Variants in TRIM15 observed in about 807,000 individuals in gnomAD.
TRIM15 encodes E3 ubiquitin-protein ligase TRIM15.
TRIM15 carries 35 observed loss-of-function variants against 35.8 expected under a neutral mutation model. That is an observed-to-expected ratio of 0.98 (90% CI 0.75 to 1.30). The LOEUF (loss-of-function observed/expected upper bound fraction) is 1.30, where lower values mean the gene tolerates loss of function less well. TRIM15 is among the 50% of genes most tolerant of loss of function. The pLI, the probability that TRIM15 is intolerant of heterozygous loss-of-function variation, is 0.00. For missense variants in TRIM15, 590 were observed against 593.5 expected (o/e 0.99, Z 0.06); for synonymous variants, 252 against 249.8 (o/e 1.01, Z -0.08).
At chr6:30,164,876 T>G (rs1379615294) in intron 1 of TRIM15, among the ~76,000 whole-genome samples, 2 of 152,178 alleles carry the variant, frequency 1.3e-5, no homozygotes, top group Non-Finnish European at 2.9e-5. Context: ...CAAGGCCCTT[T>G]GCAGTCGGGA....
intron 3 of TRIM15, 79 bp downstream of exon 3, chr6:30,168,609 A>G (rs575645728): frequency 4.4e-6 from 6 of 1,364,360 alleles, no homozygotes; most frequent in South Asian, 1.2e-5. Flanking sequence ...TTTGGGCTGG[A>G]GAGAGGCAGG....
intron 1 of TRIM15, 148 bp from the exon 2 acceptor site, chr6:30,167,028 A>C: frequency 1.6e-6 from 1 of 624,620 alleles, no homozygotes; most frequent in Non-Finnish European, 2.8e-6. Flanking sequence ...CTTCTTCCTG[A>C]GATGGTGGTC....
In TRIM15 at chr6:30,163,668, C is replaced by G; in HGVS notation, c.-17C>G. 1.3e-6 allele frequency: 2 copies of G among 1,588,092 alleles called. No individual in the cohort carries two copies. The highest frequency in any genetic ancestry group is 1.2e-5 in the South Asian group (1 of 86,694). ...GGCTGAGGAGACCGGAGTGGACGGG[C>G]TGGGGAAGGCACCGTGATGCCCGCA... is the stretch of plus-strand genomic sequence containing the variant. On this transcript the variant is annotated 5_prime_UTR_variant, in exon 1 of 7. Coordinates refer to ENST00000376694, the MANE Select transcript of TRIM15 (RefSeq NM_033229.3).
intron 1 of TRIM15, among the ~76,000 whole-genome samples, chr6:30,165,783 A>C (rs1478934156): frequency 1.3e-5 from 2 of 152,172 alleles, no homozygotes; most frequent in Non-Finnish European, 2.9e-5. Context: ...TGACTTTTTA[A>C]TGATCACCAT....
Position 30,172,294 on chromosome 6 carries a change from T to C in TRIM15, c.1343T>C (p.Val448Ala). ...FTFTASFSGKVFPFFAVWKKG... is the reference protein window; with the variant it reads ...FTFTASFSGKAFPFFAVWKKG... ...TTCACTGCCTCTTTCTCCGGCAAAG[T>C]CTTCCCTTTCTTTGCCGTCTGGAAA... Residue 448 changes from valine to alanine, a missense_variant, in exon 7 of 7, where the codon GTC (valine) becomes GCC (alanine). By Grantham distance (64) the Val-to-Ala change is moderately conservative (BLOSUM62 0). Transcript: ENST00000376694. 1.2e-6 allele frequency: 2 copies of C among 1,612,816 alleles called. No individual in the cohort carries two copies. The highest frequency in any genetic ancestry group is 2.2e-5 in the South Asian group (2 of 91,086).
chr6:30,167,760 T>C (rs1773712539), intron 2 of TRIM15, among the ~76,000 whole-genome samples: 1 of 152,186 alleles, frequency 6.6e-6, no homozygotes, highest in Admixed American at 6.5e-5. Flanking sequence ...TCTCTTTTCA[T>C]GCTATAAAGT....
In TRIM15 at chr6:30,172,062, G is replaced by A. The variant is rs774938366; in HGVS notation, c.1111G>A (p.Gly371Arg). 9.5e-6 allele frequency: 15 copies of A among 1,570,772 alleles called. No homozygotes were observed. The Admixed American group carries it at 1.1e-4, about 12-fold the overall frequency. ...GGCTVGVAGE[G>R]VRRKGEMGLS... ...CTGCACGGTGGGGGTGGCCGGGGAGGGGGTGAGGAGGAAGGGAGAGATGGG... is the reference window on the plus strand; with the variant it reads ...CTGCACGGTGGGGGTGGCCGGGGAGAGGGTGAGGAGGAAGGGAGAGATGGG... Residue 371 changes from glycine to arginine, a missense_variant, in exon 7 of 7, where the codon GGG (glycine) becomes AGG (arginine). Gly to Arg is a moderately radical substitution (Grantham distance 125). Coordinates refer to ENST00000376694, the MANE Select transcript of TRIM15 (RefSeq NM_033229.3).
chr6:30,167,861 C>T (rs898694818), intron 2 of TRIM15, among the ~76,000 whole-genome samples: 3 of 152,170 alleles, frequency 2.0e-5, no homozygotes, highest in Non-Finnish European at 2.9e-5. Context: ...CCTCAGCTCT[C>T]ATCAACGTAT....
In TRIM15 at chr6:30,172,369, G is replaced by T; in HGVS notation, c.*20G>T. 6.3e-7 allele frequency: 1 copy of T among 1,574,838 alleles called. No individual in the cohort carries two copies. Among genetic ancestry groups the T allele is most frequent in the Non-Finnish European group, 8.6e-7 (1 of 1,161,578 alleles). On this transcript the variant is annotated 3_prime_UTR_variant, in exon 7 of 7. Transcript: ENST00000376694. ...GGCTGAAGTGGGGCGCGCGAAGGGCGGCGAAGCGGAGACGGCGGCTCTCCG... is the reference window on the plus strand; with the variant it reads ...GGCTGAAGTGGGGCGCGCGAAGGGCTGCGAAGCGGAGACGGCGGCTCTCCG...
At chr6:30,166,257 A>T (rs555094250) in intron 1 of TRIM15, among the ~76,000 whole-genome samples, 1 of 152,234 alleles carries the variant, frequency 6.6e-6, no homozygotes, top group South Asian at 2.1e-4. Context: ...TAAGTCTTTA[A>T]TCCATCTTGA....
chr6:30,168,235 G>A (rs1581601429), intron 2 of TRIM15, 65 bp from the exon 3 acceptor site: 1 of 1,386,306 alleles, frequency 7.2e-7, no homozygotes, highest in African/African-American at 1.4e-5. Context: ...TAAGTATATA[G>A]ATGATCATCC....
intron 5 of TRIM15, 124 bp from the exon 6 acceptor site, chr6:30,170,852 G>T: frequency 8.7e-7 from 1 of 1,150,656 alleles, no homozygotes; most frequent in South Asian, 1.4e-5. Flanking sequence ...TCCTCCACTA[G>T]ACCACAGCAG....
Position 30,171,902 on chromosome 6 carries a change from G to A in TRIM15, c.951G>A (p.Arg317=), listed in dbSNP as rs1291767923. Reference sequence around the variant, plus strand: ...TCTCGGAAGACAGGAAGTCAGTGAGGTACACCCGGCAGAAGAAGAGCCTGC... The same window carrying A: ...TCTCGGAAGACAGGAAGTCAGTGAGATACACCCGGCAGAAGAAGAGCCTGC... ...LVLSEDRKSV[R]YTRQKKSLPD... Residue 317 remains arginine (R), a synonymous_variant, in exon 7 of 7, where the codon AGG becomes AGA. Coordinates refer to ENST00000376694, the MANE Select transcript of TRIM15 (RefSeq NM_033229.3). 6.2e-7 allele frequency: 1 copy of A among 1,601,210 alleles called. No homozygotes were observed. Among genetic ancestry groups the A allele is most frequent in the African/African-American group, 1.3e-5 (1 of 74,714 alleles).
At chr6:30,164,315 T>C (rs1773423884) in intron 1 of TRIM15, among the ~76,000 whole-genome samples, 1 of 152,156 alleles carries the variant, frequency 6.6e-6, no homozygotes, top group Admixed American at 6.5e-5. Context: ...CAAAGAACTG[T>C]AGCCTTGGCT....
intron 3 of TRIM15, among the ~76,000 whole-genome samples, chr6:30,168,756 G>A (rs1581603231): frequency 1.3e-5 from 2 of 152,334 alleles, no homozygotes; most frequent in South Asian, 4.1e-4. Flanking sequence ...CCAATTGTGT[G>A]ACTTGAGTGA....
Position 30,168,385 on chromosome 6 carries a change from T to C in TRIM15, c.563T>C (p.Leu188Pro). Residue 188 changes from leucine to proline, a missense_variant, in exon 3 of 7, where the codon CTG becomes CCG. Physicochemically the swap from Leu to Pro is moderately conservative, Grantham distance 98. Coordinates refer to ENST00000376694, the MANE Select transcript of TRIM15 (RefSeq NM_033229.3). The part of the protein sequence containing the change: ...QELEQQRCLL[L>P]ARLRELEQQI... ...CTGGAGCAGCAGCGATGTCTCCTGCTGGCCAGGCTGAGGGAGCTGGAGCAG... is the reference window on the plus strand; with the variant it reads ...CTGGAGCAGCAGCGATGTCTCCTGCCGGCCAGGCTGAGGGAGCTGGAGCAG... 6.2e-7 allele frequency: 1 copy of C among 1,612,994 alleles called. No individual in the cohort carries two copies. The highest frequency in any genetic ancestry group is 8.5e-7 in the Non-Finnish European group (1 of 1,180,010).
rs1246781766 is a variant in TRIM15 at position 30,171,825 on chromosome 6, C to G, written c.881-7C>G. The G allele has an allele frequency of 2.7e-6, 4 of 1,508,800 alleles. No homozygotes were observed. In the South Asian group the frequency reaches 5.3e-5, roughly 20 times the overall value. 93.5% of individuals were successfully genotyped at this position (1,508,800 alleles called of 1,614,324 possible). ...CGCTGTTGATGTCTGCGCGCTCCTC[C>G]CTCTAGGGGTCATCACTCTGGACCC... On this transcript the variant is annotated splice_polypyrimidine_tract_variant and splice_region_variant and intron_variant, in intron 6 of 6. Coordinates refer to ENST00000376694, the MANE Select transcript of TRIM15 (RefSeq NM_033229.3).
In TRIM15 at chr6:30,163,978, C is replaced by G; in HGVS notation, c.294C>G (p.Ala98=). Residue 98 remains alanine (A), a synonymous_variant, in exon 1 of 7, where the codon GCC becomes GCG. Transcript: ENST00000376694. ...EKIYFFCEND[A]EFLCVFCREG... is the part of the protein sequence containing the mutation. ...TCTACTTCTTCTGCGAGAACGATGC[C>G]GAGTTCCTCTGTGTGTTCTGCAGGG... is the stretch of plus-strand genomic sequence containing the variant. The G allele has an allele frequency of 6.2e-7, 1 of 1,613,136 alleles. No individual in the cohort carries two copies. Among genetic ancestry groups the G allele is most frequent in the Non-Finnish European group, 8.5e-7 (1 of 1,180,038 alleles).
In TRIM15 at chr6:30,168,283, C is replaced by A. The variant is rs773852249; in HGVS notation, c.478-17C>A. 1 of 1,607,516 alleles carries A rather than the reference C, an allele frequency of 6.2e-7. No homozygotes were observed. Among genetic ancestry groups the A allele is most frequent in the East Asian group, 2.2e-5 (1 of 44,818 alleles). On this transcript the variant is annotated splice_polypyrimidine_tract_variant and intron_variant, in intron 2 of 6. Coordinates refer to ENST00000376694, the MANE Select transcript of TRIM15 (RefSeq NM_033229.3). ...CTGAGCCCCTTCCTAACCATGTCTG[C>A]CTTTTATCCCTTGAAGACTCAGATC...
Sources: allele counts gnomAD v4.1 joint callset (sites outside exome capture counted in the v4.1 genomes callset), GRCh38; gene constraint gnomAD v4.1.1; transcripts MANE v1.5; gene names NCBI Gene and HGNC (gene_info 2026-07-23, HGNC 2026-07-21).